UNC5B: variants seen among roughly 807,000 people sequenced by gnomAD.
UNC5B encodes the protein netrin receptor UNC5B.
UNC5B carries 56 observed loss-of-function variants against 103.7 expected under a neutral mutation model. The ratio of observed to expected loss-of-function variants is 0.54; its 90% CI spans 0.44 to 0.67. UNC5B has a LOEUF of 0.67. Ranked by LOEUF, UNC5B falls within the 30% of genes least tolerant of loss-of-function variation. The pLI, the probability that UNC5B is intolerant of heterozygous loss-of-function variation, is 0.00. For synonymous variants in UNC5B, 577 were observed against 542.0 expected (o/e 1.06, Z -0.90); for missense variants, 1,194 against 1,284.5 (o/e 0.93, Z 1.08).
At chr10:71,284,614 T>G in intron 2 of UNC5B, 106 bp from the exon 3 acceptor site, 2 of 1,523,576 alleles carry the variant, frequency 1.3e-6, no homozygotes, top group African/African-American at 1.4e-5. Context: ...GGAAAGGCAC[T>G]TGGGCAAGAG....
At chr10:71,295,274 G>A (rs1452358568) in intron 13 of UNC5B, among the ~76,000 whole-genome samples, 1 of 152,214 alleles carries the variant, frequency 6.6e-6, no homozygotes, top group Admixed American at 6.5e-5. Flanking sequence ...TGGCCAGAGA[G>A]TGGTATAGAA....
At chr10:71,278,535 G>A (rs1844828476) in intron 1 of UNC5B, among the ~76,000 whole-genome samples, 1 of 152,174 alleles carries the variant, frequency 6.6e-6, no homozygotes, top group Non-Finnish European at 1.5e-5. Flanking sequence ...AAGCTCCCCA[G>A]TCTCAGCATG....
At chr10:71,220,271 G>A (rs1843427395) in intron 1 of UNC5B, among the ~76,000 whole-genome samples, 1 of 152,230 alleles carries the variant, frequency 6.6e-6, no homozygotes, top group Non-Finnish European at 1.5e-5. Context: ...CACTGGTAGG[G>A]ATCATATTGG....
Position 71,212,715 on chromosome 10 carries a change from C to T in UNC5B, c.-271C>T, listed in dbSNP as rs951992652. On this transcript the variant is annotated 5_prime_UTR_variant, in exon 1 of 17. Coordinates refer to ENST00000335350, the MANE Select transcript of UNC5B (RefSeq NM_170744.5). ...TCGCGCAACTTCGGAGGCACAGCGC[C>T]GGAGCCAGGCGAGCGCTCAGAGACC... The T allele has an allele frequency of 1.3e-5, 4 of 316,346 alleles. No individual in the cohort carries two copies. Among genetic ancestry groups the T allele is most frequent in the South Asian group, 1.6e-4 (1 of 6,382 alleles). The allele number at this position is 316,346 out of a possible 1,614,324, so 19.6% of individuals were successfully genotyped here. A position where few individuals can be genotyped will look rare whatever the true frequency, so the allele number is the denominator to read the frequency against.
intron 1 of UNC5B, among the ~76,000 whole-genome samples, chr10:71,254,185 G>A (rs1844239206): frequency 6.6e-6 from 1 of 152,246 alleles, no homozygotes; most frequent in Non-Finnish European, 1.5e-5. Flanking sequence ...ATATGCAAAT[G>A]TCTGTGGCTT....
At chr10:71,274,613 TAGAGACCTCATAA>T (rs1273322103) in intron 1 of UNC5B, among the ~76,000 whole-genome samples, 5 of 152,116 alleles carry the variant, frequency 3.3e-5, no homozygotes, top group South Asian at 2.1e-4. Flanking sequence ...AGGTCTCATG[TAGAGACCTCATAA>T]AGAGACCTCA....
At chr10:71,218,759 C>G (rs73276332) in intron 1 of UNC5B, among the ~76,000 whole-genome samples, 7,758 of 152,266 alleles carry the variant, frequency 0.051, 681 homozygotes, top group African/African-American at 0.18. Flanking sequence ...TGCTCTCTGA[C>G]CTGGGTCAGC....
chr10:71,285,723 C>G (rs1845059834), intron 4 of UNC5B, among the ~76,000 whole-genome samples: 1 of 152,214 alleles, frequency 6.6e-6, no homozygotes, highest in South Asian at 2.1e-4. Flanking sequence ...TCTCTATCTC[C>G]TGCCCCACCC....
At chr10:71,219,103 T>A (rs1843398883) in intron 1 of UNC5B, among the ~76,000 whole-genome samples, 1 of 152,108 alleles carries the variant, frequency 6.6e-6, no homozygotes, top group Admixed American at 6.5e-5. Flanking sequence ...TCACAGTCCC[T>A]CGCCCCACCC....
chr10:71,260,019 C>T (rs1844379728), intron 1 of UNC5B, among the ~76,000 whole-genome samples: 1 of 152,150 alleles, frequency 6.6e-6, no homozygotes, highest in Non-Finnish European at 1.5e-5. Flanking sequence ...AAGCCAACTG[C>T]CAGGCAGGAG....
In UNC5B at chr10:71,299,167, T is replaced by C; in HGVS notation, c.2728T>C (p.Trp910Arg). ...ASPTGVILDL[W>R]EALQQDDGDL... ...CCCCACGGGTGTGATCCTGGACCTC[T>C]GGGAAGCTCTGCAGCAGGACGATGG... Residue 910 changes from tryptophan to arginine, a missense_variant, in exon 17 of 17, where the codon TGG (tryptophan) becomes CGG (arginine). Trp to Arg is a moderately radical substitution (Grantham distance 101). Coordinates refer to ENST00000335350, the MANE Select transcript of UNC5B (RefSeq NM_170744.5). 1 of 1,614,242 alleles carries C rather than the reference T, an allele frequency of 6.2e-7. No homozygotes were observed. The highest frequency in any genetic ancestry group is 8.5e-7 in the Non-Finnish European group (1 of 1,180,036).
intron 2 of UNC5B, among the ~76,000 whole-genome samples, chr10:71,283,954 G>T (rs901099673): frequency 6.6e-6 from 1 of 152,176 alleles, no homozygotes. Context: ...CAAGCCCTGG[G>T]CCACAGCAGC....
At chr10:71,290,244 C>T (rs765409454) in intron 8 of UNC5B, among the ~76,000 whole-genome samples, 18 of 152,200 alleles carry the variant, frequency 1.2e-4, no homozygotes, top group African/African-American at 3.9e-4. Flanking sequence ...CCAGACAACC[C>T]TACTTCAGAC....
chr10:71,285,197 A>G (rs6480503), intron 3 of UNC5B, 129 bp from the exon 4 acceptor site: 942,626 of 1,007,542 alleles, frequency 0.94, 441,270 homozygotes, highest in Middle Eastern at 0.98. Context: ...GAAATTTCCC[A>G]GGCAAAGGCC....
In UNC5B at chr10:71,299,517, C is replaced by G. The variant is rs1010270195; in HGVS notation, c.*240C>G. The G allele has an allele frequency of 1.2e-5, 6 of 491,178 alleles. No individual in the cohort carries two copies. Among genetic ancestry groups the G allele is most frequent in the Non-Finnish European group, 2.2e-5 (6 of 276,516 alleles). 30.4% of individuals were successfully genotyped at this position (491,178 alleles called of 1,614,324 possible). On this transcript the variant is annotated 3_prime_UTR_variant, in exon 17 of 17. Coordinates refer to ENST00000335350, the MANE Select transcript of UNC5B (RefSeq NM_170744.5). ...CGCTCTCTCTCTCTTGGCCTGAGAT[C>G]TCTGTGCAGGAACCAAGATGGGGCT...
At chr10:71,288,467 T>A in intron 6 of UNC5B, 101 bp from the exon 7 acceptor site, 1 of 1,487,478 alleles carries the variant, frequency 6.7e-7, no homozygotes, top group Non-Finnish European at 9.1e-7. Context: ...CCATGGTGTG[T>A]ATGCATGCAT....
chr10:71,295,768 C>G (rs757910211), intron 13 of UNC5B, 43 bp from the exon 14 acceptor site: 1 of 1,595,012 alleles, frequency 6.3e-7, no homozygotes, highest in Non-Finnish European at 8.5e-7. Flanking sequence ...GGCCCATTGG[C>G]CAGGTGTGAT....
intron 1 of UNC5B, among the ~76,000 whole-genome samples, chr10:71,239,851 A>C (rs1843857786): frequency 6.6e-6 from 1 of 152,160 alleles, no homozygotes. Context: ...ATGTGAGCAC[A>C]CACACATCTG....
At chr10:71,242,368 C>T (rs1344995095) in intron 1 of UNC5B, among the ~76,000 whole-genome samples, 2 of 152,184 alleles carry the variant, frequency 1.3e-5, no homozygotes, top group African/African-American at 2.4e-5. Context: ...TGAGGTCCCC[C>T]GAGCTAGTTC....
Sources: gnomAD v4.1 joint callset for allele counts (sites outside exome capture counted in the v4.1 genomes callset) on GRCh38, gnomAD v4.1.1 for gene constraint, MANE v1.5 for transcripts, NCBI Gene and HGNC (gene_info 2026-07-23, HGNC 2026-07-21) for gene names.